SHISA9: variants seen among roughly 807,000 people sequenced by gnomAD.
SHISA9 encodes protein shisa-9.
Under a neutral mutation model 38.0 loss-of-function variants are expected in SHISA9, and 13 were observed. The observed-to-expected ratio is 0.34, with a 90% CI of 0.22 to 0.54. The LOEUF (loss-of-function observed/expected upper bound fraction) is 0.54. Among genes scored for constraint, SHISA9 ranks in the 20% least tolerant of loss-of-function variants. SHISA9 has a pLI of 0.91. For missense variants in SHISA9, 538 were observed against 575.8 expected (o/e 0.93, Z 0.67); for synonymous variants, 275 against 242.0 (o/e 1.14, Z -1.27).
At position 13,235,060 on chromosome 16, in the gene SHISA9, A is replaced by G; in HGVS notation, c.926A>G (p.Lys309Arg). 1 of 1,550,850 alleles carries G rather than the reference A, an allele frequency of 6.4e-7. No individual in the cohort carries two copies. Among genetic ancestry groups the G allele is most frequent in the South Asian group, 1.2e-5 (1 of 83,980 alleles). ...AAGGTCAATGACGACTTCTACACCA[A>G]GCGACGGCACCTGGCTGAGCTGGCT... ...ADKVNDDFYT[K>R]RRHLAELAAK... The change falls in exon 5 of 5, where the codon AAG becomes AGG. Residue 309 changes from lysine (K) to arginine (R), a missense_variant. Physicochemically the swap from Lys to Arg is conservative, Grantham distance 26. Around this residue, in one of 4 missense-constraint regions of SHISA9, gnomAD observed 326 missense variants for 305.9 expected, o/e 1.07. Transcript: ENST00000558583.
intron 2 of SHISA9, among the ~76,000 whole-genome samples, chr16:13,023,185 A>G (rs890879284): frequency 6.6e-6 from 1 of 151,940 alleles, no homozygotes; most frequent in Admixed American, 6.6e-5. Context: ...TGACCCTGCA[A>G]CAGGCCCTGG....
intron 1 of SHISA9, chr16:12,911,128 C>T (rs115303650): frequency 1.8e-5 from 7 of 386,650 alleles, no homozygotes; most frequent in African/African-American, 8.7e-5. Context: ...TCTTGTCACT[C>T]GGAGTGTGGC....
chr16:12,923,288 G>A (rs541066689), intron 2 of SHISA9, among the ~76,000 whole-genome samples: 1 of 152,332 alleles, frequency 6.6e-6, no homozygotes, highest in Admixed American at 6.5e-5. Flanking sequence ...CCAGCACTTT[G>A]GGAGGCCAAA....
At chr16:13,448,637 A>G in the SHISA9 span, among the ~76,000 whole-genome samples, 1 of 152,238 alleles carries the variant, frequency 6.6e-6, no homozygotes, top group African/African-American at 2.4e-5. Context: ...TGATGGCTCC[A>G]GATGTTGAAC....
the SHISA9 span, among the ~76,000 whole-genome samples, chr16:13,369,572 A>C: frequency 6.6e-6 from 1 of 151,834 alleles, no homozygotes; most frequent in Admixed American, 6.6e-5. Flanking sequence ...TTGTTCAAGC[A>C]AGAGAAGCAG....
chr16:13,088,442 A>G (rs985925909), intron 2 of SHISA9, among the ~76,000 whole-genome samples: 5 of 152,174 alleles, frequency 3.3e-5, no homozygotes, highest in African/African-American at 7.2e-5. Context: ...CTTCCTATCC[A>G]TGAGCTTGGA....
chr16:13,355,163 A>C, the SHISA9 span, among the ~76,000 whole-genome samples: 106,299 of 145,836 alleles, frequency 0.73, 39,386 homozygotes, highest in East Asian at 0.96. Context: ...AGGCACAGAT[A>C]CTGAACTAAC....
At chr16:13,291,237 C>T in the SHISA9 span, among the ~76,000 whole-genome samples, 2 of 152,176 alleles carry the variant, frequency 1.3e-5, no homozygotes, top group East Asian at 3.9e-4. Context: ...GACTCCAAAA[C>T]TTGCACAATA....
At chr16:12,970,427 GTATATATATATA>G (rs1567357150) in intron 2 of SHISA9, among the ~76,000 whole-genome samples, 32 of 31,184 alleles carry the variant, frequency 1.0e-3, no homozygotes, top group East Asian at 3.3e-3. Flanking sequence ...ACACATATAT[GTATATATATATA>G]CACACATATA....
the SHISA9 span, among the ~76,000 whole-genome samples, chr16:13,411,084 T>G: frequency 1.3e-5 from 2 of 152,318 alleles, no homozygotes; most frequent in South Asian, 4.2e-4. Context: ...TTTGAAAGTC[T>G]AGATACATGG....
At chr16:13,225,937 A>G (rs544314737) in intron 4 of SHISA9, among the ~76,000 whole-genome samples, 1 of 152,350 alleles carries the variant, frequency 6.6e-6, no homozygotes, top group African/African-American at 2.4e-5. Context: ...AATGAAGAAA[A>G]GTCAAATAGG....
chr16:13,411,899 G>T, the SHISA9 span, among the ~76,000 whole-genome samples: 1 of 152,292 alleles, frequency 6.6e-6, no homozygotes, highest in Middle Eastern at 3.4e-3. Flanking sequence ...GCTGAAGTAG[G>T]TCCATCACAG....
At chr16:13,073,847 G>A (rs1596629461) in intron 2 of SHISA9, among the ~76,000 whole-genome samples, 4 of 152,212 alleles carry the variant, frequency 2.6e-5, no homozygotes, top group Admixed American at 2.6e-4. Flanking sequence ...AAGCAGGAAC[G>A]AGGCATGGGA....
At chr16:13,555,899 T>C in the SHISA9 span, among the ~76,000 whole-genome samples, 1 of 152,172 alleles carries the variant, frequency 6.6e-6, no homozygotes, top group Non-Finnish European at 1.5e-5. Flanking sequence ...CTTATCTAGG[T>C]TCAGTTCCTC....
chr16:13,260,306 G>A, the SHISA9 span, among the ~76,000 whole-genome samples: 21 of 151,996 alleles, frequency 1.4e-4, no homozygotes, highest in Non-Finnish European at 2.1e-4. Context: ...ATGAGCCACC[G>A]CGCCTGGCCG....
the SHISA9 span, among the ~76,000 whole-genome samples, chr16:13,252,194 A>C: frequency 6.6e-6 from 1 of 151,494 alleles, no homozygotes; most frequent in Non-Finnish European, 1.5e-5. Flanking sequence ...TCACCCCTTC[A>C]CTCACTCTGC....
intron 4 of SHISA9, among the ~76,000 whole-genome samples, chr16:13,225,877 T>C (rs899203098): frequency 2.6e-5 from 4 of 152,188 alleles, no homozygotes; most frequent in African/African-American, 9.7e-5. Flanking sequence ...TCAAGGCAAT[T>C]AGGGTCATTA....
downstream of SHISA9, among the ~76,000 whole-genome samples, chr16:13,240,596 T>A (rs1229431351): frequency 6.6e-6 from 1 of 152,218 alleles, no homozygotes; most frequent in African/African-American, 2.4e-5. Flanking sequence ...CAGGAGACTT[T>A]GTGTTTGAAG....
the SHISA9 span, among the ~76,000 whole-genome samples, chr16:13,271,619 A>C: frequency 3.2e-4 from 49 of 152,318 alleles, no homozygotes; most frequent in African/African-American, 1.2e-3. Flanking sequence ...TAAAGTGAAA[A>C]AGAAAAGAAA....
Sources: gnomAD v4.1 joint callset for allele counts (sites outside exome capture counted in the v4.1 genomes callset) on GRCh38, gnomAD v4.1.1 for gene constraint, gnomAD v4.1.1 regional missense constraint, MANE v1.5 for transcripts, NCBI Gene and HGNC (gene_info 2026-07-23, HGNC 2026-07-21) for gene names.